The following CUX1 variants were observed in gnomAD, a reference collection of about 807,000 sequenced individuals.
The protein encoded by CUX1 is protein CASP.
A neutral mutation model predicts 158.8 loss-of-function variants in CUX1; 31 were observed. That is an observed-to-expected ratio of 0.20 (90% confidence interval 0.15 to 0.26). The LOEUF (loss-of-function observed/expected upper bound fraction) is 0.26, where lower values mean the gene tolerates loss of function less well. Among genes scored for constraint, CUX1 ranks in the 10% least tolerant of loss-of-function variants. The pLI is 1.00. For synonymous variants in CUX1, 879 were observed against 862.1 expected, an observed-to-expected ratio of 1.02 and a Z score of -0.34; for missense variants, 1,589 against 2,014.6, an observed-to-expected ratio of 0.79 and a Z score of 4.04.
chr7:101,914,261 C>T (rs750538068), intron 1 of CUX1, among the ~76,000 whole-genome samples: 2 of 151,974 alleles, frequency 1.3e-5, no homozygotes, highest in Non-Finnish European at 2.9e-5. Flanking sequence ...GTGGTATCTT[C>T]CCCTCATTGC....
At chr7:102,184,573 C>T (rs1793447139) in intron 11 of CUX1, among the ~76,000 whole-genome samples, 1 of 152,234 alleles carries the variant, frequency 6.6e-6, no homozygotes, top group Non-Finnish European at 1.5e-5. Flanking sequence ...GGTTGGCAGC[C>T]AGGTCTCTGA....
chr7:102,243,632 AAATAATAATAATAATAATAAT>A (rs3077412), intron 23 of CUX1, among the ~76,000 whole-genome samples: 3 of 130,838 alleles, frequency 2.3e-5, no homozygotes, highest in East Asian at 2.2e-4. Flanking sequence ...TCTCTACAGA[AAATAATAATAATAATAATAAT>A]AATAATAATA....
At chr7:102,148,975 C>A (rs1321428328) in intron 8 of CUX1, among the ~76,000 whole-genome samples, 1 of 152,064 alleles carries the variant, frequency 6.6e-6, no homozygotes, top group East Asian at 1.9e-4. Flanking sequence ...TCTTCACTCC[C>A]ATGCAGGTTG....
At chr7:102,015,277 G>T (rs1292176284) in intron 2 of CUX1, among the ~76,000 whole-genome samples, 9 of 152,136 alleles carry the variant, frequency 5.9e-5, no homozygotes, top group Non-Finnish European at 1.2e-4. Context: ...ACCCAGGCTG[G>T]AGTGCAGTGG....
In CUX1 at chr7:101,869,805, G is replaced by A. The variant is rs545774501; in HGVS notation, c.31-46310G>A. On this transcript the variant is annotated intron_variant, in intron 1 of 23. Transcript: ENST00000292535. This position sits in a 1 kb window ranked among gnomAD's most constrained non-coding sequence, Gnocchi z 4.5. Reference sequence around the variant, plus strand: ...GGCATTTCCCAGGAATGTAAACCCCGGTTTCAGCTTTCCCCGTGGCTCCCC... The same window carrying A: ...GGCATTTCCCAGGAATGTAAACCCCAGTTTCAGCTTTCCCCGTGGCTCCCC... Among the ~76,000 whole-genome samples the A allele has an allele frequency of 3.9e-5, 6 of 152,258 alleles. No homozygotes were observed. The South Asian group carries it at 6.2e-4, about 16-fold the overall frequency.
Position 102,252,324 on chromosome 7 carries a change from C to A in CUX1, c.*3282C>A, listed in dbSNP as rs1404873740. 80 of 985,312 alleles carry A rather than the reference C, an allele frequency of 8.1e-5. No homozygotes were observed. The highest frequency in any genetic ancestry group is 9.3e-5 in the Non-Finnish European group (77 of 829,970). The allele number at this position is 985,312 out of a possible 1,614,324, so 61.0% of individuals were successfully genotyped here. ...AGTATTCAAGTGCCTTGAACAGTGT[C>A]CCCTCGGCATGGCTCCCCTTCAGCA... On this transcript the variant is annotated 3_prime_UTR_variant, in exon 24 of 24. Coordinates refer to ENST00000292535, the MANE Select transcript of CUX1 (RefSeq NM_181552.4).
At chr7:102,122,244 A>T (rs1832122599) in intron 8 of CUX1, among the ~76,000 whole-genome samples, 1 of 152,190 alleles carries the variant, frequency 6.6e-6, no homozygotes, top group African/African-American at 2.4e-5. Context: ...GAGTTGCTGT[A>T]ATTACCCTGG....
At chr7:102,176,231 T>C (rs1209958036) in intron 10 of CUX1, among the ~76,000 whole-genome samples, 1 of 152,240 alleles carries the variant, frequency 6.6e-6, no homozygotes, top group Non-Finnish European at 1.5e-5. Flanking sequence ...ATTATTTCCC[T>C]GAGTGAATGC....
intron 2 of CUX1, among the ~76,000 whole-genome samples, chr7:101,972,857 T>A (rs1328603566): frequency 6.6e-6 from 1 of 152,146 alleles, no homozygotes. Flanking sequence ...CTTCTTGGCA[T>A]TCAAAGTTGC....
At chr7:102,077,528 TAAAAAAAAAAAAA>T (rs35999980) in intron 4 of CUX1, among the ~76,000 whole-genome samples, 1 of 113,958 alleles carries the variant, frequency 8.8e-6, no homozygotes, top group Admixed American at 1.0e-4. Flanking sequence ...CCCATCTCTT[TAAAAAAAAAAAAA>T]AAAAAAAAGA....
At chr7:102,075,497 G>A (rs1207782069) in intron 4 of CUX1, among the ~76,000 whole-genome samples, 1 of 152,138 alleles carries the variant, frequency 6.6e-6, no homozygotes, top group Non-Finnish European at 1.5e-5. Context: ...GGTTCAGTGC[G>A]GTTTTGTCCC....
intron 8 of CUX1, among the ~76,000 whole-genome samples, chr7:102,132,678 TTC>T (rs781861177): frequency 8.8e-6 from 1 of 113,382 alleles, no homozygotes; most frequent in African/African-American, 3.9e-5. Context: ...TTCTTTGCTT[TTC>T]TTTTTTTTTT....
chr7:102,170,689 T>C (rs1409397950), intron 10 of CUX1, 139 bp downstream of exon 10: 9 of 616,742 alleles, frequency 1.5e-5, no homozygotes, highest in Non-Finnish European at 2.5e-5. Context: ...CGGTGGGGTT[T>C]GCTTTGACCA....
intron 6 of CUX1, among the ~76,000 whole-genome samples, chr7:102,109,334 A>C (rs1018674814): frequency 3.9e-5 from 6 of 152,248 alleles, no homozygotes; most frequent in African/African-American, 1.4e-4. Context: ...TAGGCATGTC[A>C]TACAAAGAGA....
intron 11 of CUX1, among the ~76,000 whole-genome samples, chr7:102,185,263 G>T (rs997200252): frequency 6.6e-6 from 1 of 152,212 alleles, no homozygotes; most frequent in African/African-American, 2.4e-5. Flanking sequence ...AGAGCACTTT[G>T]CCATGTGCCC....
chr7:101,996,655 C>T (rs1815941716), intron 2 of CUX1, among the ~76,000 whole-genome samples: 1 of 149,196 alleles, frequency 6.7e-6, no homozygotes, highest in Admixed American at 6.6e-5. Flanking sequence ...CCCTCCCTCC[C>T]TCCCTCCCTC....
rs1460130508 is a variant in CUX1 at position 101,870,150 on chromosome 7, T to TTG, written c.31-45964_31-45963insGT. On this transcript the variant is annotated intron_variant, in intron 1 of 23. Coordinates refer to ENST00000292535, the MANE Select transcript of CUX1 (RefSeq NM_181552.4). The stretch of plus-strand genomic sequence containing the variant: ...GCAGGCCCTGATGTTTAGTGTTTTT[T>TTG]TTGTTTTTTTTTTTTTTTTTAAAGA... Among the ~76,000 whole-genome samples, 428 of 114,618 alleles carry TTG rather than the reference T, an allele frequency of 3.7e-3. 13 individuals are homozygous for TTG. The East Asian group carries it at 0.095, about 26-fold the overall frequency. The allele number at this position is 114,618 out of a possible 152,430, so 75.2% of individuals were successfully genotyped here.
At chr7:102,151,523 C>T (rs1242944568) in intron 8 of CUX1, among the ~76,000 whole-genome samples, 1 of 151,946 alleles carries the variant, frequency 6.6e-6, no homozygotes, top group African/African-American at 2.4e-5. Context: ...CATTACACTC[C>T]AGCCTGGGCA....
chr7:102,111,884 C>A, intron 7 of CUX1, 110 bp downstream of exon 7: 1 of 927,722 alleles, frequency 1.1e-6, no homozygotes, highest in Non-Finnish European at 1.7e-6. Context: ...TCTTCGGGGC[C>A]GTGGGAGCTG....
Sources: allele counts gnomAD v4.1 joint callset (sites outside exome capture counted in the v4.1 genomes callset), GRCh38; gene constraint gnomAD v4.1.1; non-coding constraint Gnocchi (gnomAD v3.1); transcripts MANE v1.5; gene names NCBI Gene and HGNC (gene_info 2026-07-23, HGNC 2026-07-21).